Variants in BICDL1 observed in about 807,000 individuals in gnomAD.
The protein encoded by BICDL1 is BICD family like cargo adaptor 1.
Under a neutral mutation model 76.8 loss-of-function variants are expected in BICDL1, and 20 were observed. The observed-to-expected ratio is 0.26, with a 90% CI of 0.18 to 0.38. BICDL1 has a LOEUF of 0.38. Ranked by LOEUF, BICDL1 falls within the 10% of genes least tolerant of loss-of-function variation. BICDL1 has a pLI of 1.00. For synonymous variants in BICDL1, 383 were observed against 337.1 expected, an observed-to-expected ratio of 1.14 and a Z score of -1.49; for missense variants, 700 against 798.6, an observed-to-expected ratio of 0.88 and a Z score of 1.49.
At chr12:120,018,143 TG>T (rs1490819165) in intron 2 of BICDL1, among the ~76,000 whole-genome samples, 1 of 152,212 alleles carries the variant, frequency 6.6e-6, no homozygotes, top group Non-Finnish European at 1.5e-5. Context: ...GCTTTTGCGC[TG>T]GATACCGATG....
Position 119,998,588 on chromosome 12 carries a change from G to A in BICDL1, c.497G>A (p.Arg166Gln). Residue 166 changes from arginine (R) to glutamine (Q), a missense_variant, in exon 2 of 10, where the codon CGA becomes CAA. Arg to Gln is a conservative substitution (Grantham distance 43). Around this residue, in one of 3 missense-constraint regions of BICDL1, gnomAD observed 20 missense variants for 50.3 expected, o/e 0.40. Transcript: ENST00000548673. ...AACCGAGAAGGGGAGTGGGAAGGCC[G>A]AGTGTCAGAGCTGGAGAGTGATGTG... is the stretch of plus-strand genomic sequence containing the variant. ...FENREGEWEG[R>Q]VSELESDVKQ... 2 of 1,614,078 alleles carry A rather than the reference G, an allele frequency of 1.2e-6. No homozygotes were observed. Among genetic ancestry groups the A allele is most frequent in the Non-Finnish European group, 1.7e-6 (2 of 1,180,000 alleles).
chr12:120,090,893 C>G, intron 9 of BICDL1: 1 of 1,288,906 alleles, frequency 7.8e-7, no homozygotes, highest in South Asian at 1.2e-5. Flanking sequence ...TGCTCTCTCT[C>G]TTCTCTCCCG....
In BICDL1 at chr12:119,989,474, A is replaced by AGCAGCAGCG. The variant is rs1480748174; in HGVS notation, c.-390_-389insAGCGGCAGC. On this transcript the variant is annotated 5_prime_UTR_variant, in exon 1 of 10. Coordinates refer to ENST00000548673, the MANE Select transcript of BICDL1 (RefSeq NM_001367886.1). The stretch of plus-strand genomic sequence containing the variant: ...CCCGGCCGGCGGCGGCAGCAGCAGC[A>AGCAGCAGCG]GCAGCGGCAGCGGCAACAGGGCGGC... Among the ~76,000 whole-genome samples, 197 of 149,606 alleles carry AGCAGCAGCG rather than the reference A, an allele frequency of 1.3e-3. 2 individuals are homozygous for AGCAGCAGCG. The East Asian group carries it at 0.026, about 20-fold the overall frequency.
intron 1 of BICDL1, among the ~76,000 whole-genome samples, chr12:119,991,680 A>G (rs1403580241): frequency 6.6e-6 from 1 of 152,142 alleles, no homozygotes; most frequent in Non-Finnish European, 1.5e-5. Flanking sequence ...AGAGATTTAT[A>G]CTTGTGATTT....
rs916088009 is a variant in BICDL1, at chr12:119,989,542, C to G, written c.-327C>G. On this transcript the variant is annotated 5_prime_UTR_variant, in exon 1 of 10. Coordinates refer to ENST00000548673, the MANE Select transcript of BICDL1 (RefSeq NM_001367886.1). ...CGTTCCTCCTCGCTTCCTCCCCTCC[C>G]GCTTCGCCGACCCTCAGTCTCTGTT... 6.6e-6 allele frequency among the ~76,000 whole-genome samples: 1 copy of G among 150,600 alleles called. No homozygotes were observed. The highest frequency in any genetic ancestry group is 2.4e-5 in the African/African-American group (1 of 41,276).
At chr12:120,080,519 C>T (rs571343001) in intron 7 of BICDL1, among the ~76,000 whole-genome samples, 5 of 152,134 alleles carry the variant, frequency 3.3e-5, no homozygotes, top group Admixed American at 1.3e-4. Flanking sequence ...AACGGGATTC[C>T]CTACCCTAAA....
At chr12:120,044,733 T>C (rs1309451321) in intron 2 of BICDL1, among the ~76,000 whole-genome samples, 1 of 152,152 alleles carries the variant, frequency 6.6e-6, no homozygotes, top group Admixed American at 6.6e-5. Flanking sequence ...GCGGCGTTAT[T>C]TCTGAGGGCT....
intron 1 of BICDL1, among the ~76,000 whole-genome samples, chr12:119,997,366 CCT>C (rs1208252319): frequency 6.6e-6 from 1 of 152,172 alleles, no homozygotes; most frequent in Admixed American, 6.5e-5. Context: ...TTATCAGTCT[CCT>C]CCACTAGAAT....
chr12:120,090,402 A>G (rs1167251943), intron 9 of BICDL1, among the ~76,000 whole-genome samples: 1 of 152,210 alleles, frequency 6.6e-6, no homozygotes, highest in Non-Finnish European at 1.5e-5. Flanking sequence ...GAAGCTCAGT[A>G]TAATTGCATG....
intron 8 of BICDL1, among the ~76,000 whole-genome samples, chr12:120,083,907 C>G (rs7132099): frequency 6.6e-6 from 1 of 152,084 alleles, no homozygotes; most frequent in African/African-American, 2.4e-5. Context: ...CCTGCCTCAG[C>G]CTCCCAAAGT....
At chr12:120,015,552 C>T (rs557659154) in intron 2 of BICDL1, among the ~76,000 whole-genome samples, 5 of 152,288 alleles carry the variant, frequency 3.3e-5, no homozygotes, top group South Asian at 2.1e-4. Flanking sequence ...TCATCTCTTA[C>T]GGTTAATTCA....
chr12:120,079,080 G>A lies in BICDL1; in HGVS notation c.1453-1807G>A, dbSNP rs1046055454. On this transcript the variant is annotated intron_variant, in intron 7 of 9. Coordinates refer to ENST00000548673, the MANE Select transcript of BICDL1 (RefSeq NM_001367886.1). This position sits in a 1 kb window ranked among gnomAD's most constrained non-coding sequence, Gnocchi z 4.3. ...CAGCCTGTTCTTCCCCGAGGCTTCC[G>A]CCCTCCTCACCCAGCTGTCCCTACC... 1.3e-5 allele frequency among the ~76,000 whole-genome samples: 2 copies of A among 152,204 alleles called. No individual in the cohort carries two copies. Among genetic ancestry groups the A allele is most frequent in the Non-Finnish European group, 2.9e-5 (2 of 68,040 alleles).
chr12:120,052,316 TC>T (rs568310572), intron 2 of BICDL1, among the ~76,000 whole-genome samples: 1,723 of 147,756 alleles, frequency 0.012, 34 homozygotes, highest in East Asian at 0.044. Context: ...CCTTTCTCTC[TC>T]TCTCTCTCTC....
At chr12:120,039,777 C>T (rs1328214100) in intron 2 of BICDL1, among the ~76,000 whole-genome samples, 1 of 151,930 alleles carries the variant, frequency 6.6e-6, no homozygotes, top group Non-Finnish European at 1.5e-5. Context: ...GGAGTTTGGG[C>T]TCTTCCACCC....
intron 8 of BICDL1, among the ~76,000 whole-genome samples, chr12:120,088,732 T>C (rs1874660034): frequency 6.6e-6 from 1 of 151,712 alleles, no homozygotes; most frequent in Non-Finnish European, 1.5e-5. Flanking sequence ...AGTGGCGCGA[T>C]CTGGGCTTAC....
At chr12:120,025,049 CTTTTT>C (rs200425537) in intron 2 of BICDL1, among the ~76,000 whole-genome samples, 1 of 127,864 alleles carries the variant, frequency 7.8e-6, no homozygotes, top group Non-Finnish European at 1.6e-5. Flanking sequence ...TACTTTCTTT[CTTTTT>C]TTTTTTTTTT....
At chr12:120,074,617 G>GGCATGT (rs1334780129) in intron 7 of BICDL1, 31 bp downstream of exon 7, 2 of 1,107,970 alleles carry the variant, frequency 1.8e-6, no homozygotes, top group African/African-American at 1.7e-5. Flanking sequence ...TTCAGTGCAG[G>GGCATGT]GCATGTGCAC....
chr12:120,021,574 G>A (rs1403375244), intron 2 of BICDL1, among the ~76,000 whole-genome samples: 1 of 115,222 alleles, frequency 8.7e-6, no homozygotes, highest in East Asian at 2.9e-4. Flanking sequence ...GTGACAGAAC[G>A]AGACTCCATC....
At chr12:120,014,218 A>G (rs543850044) in intron 2 of BICDL1, among the ~76,000 whole-genome samples, 19 of 152,374 alleles carry the variant, frequency 1.2e-4, no homozygotes, top group African/African-American at 3.1e-4. Flanking sequence ...AAGAACTTCA[A>G]TATTTAAAAG....
Sources: gnomAD v4.1 joint callset for allele counts (sites outside exome capture counted in the v4.1 genomes callset) on GRCh38, gnomAD v4.1.1 for gene constraint, gnomAD v4.1.1 regional missense constraint, Gnocchi (gnomAD v3.1) non-coding constraint, MANE v1.5 for transcripts, NCBI Gene and HGNC (gene_info 2026-07-23, HGNC 2026-07-21) for gene names.